The following NRG1 variants were observed in gnomAD, a reference collection of about 807,000 sequenced individuals.
The protein encoded by NRG1 is neuregulin 1.
A neutral mutation model predicts 63.8 loss-of-function variants in NRG1; 18 were observed. The ratio of observed to expected loss-of-function variants is 0.28; its 90% CI spans 0.19 to 0.42. The LOEUF is 0.42. NRG1 is among the 10% of genes least tolerant of loss of function. NRG1 has a pLI of 1.00. For synonymous variants in NRG1, 302 were observed against 301.3 expected, an observed-to-expected ratio of 1.00 and a Z score of -0.02; for missense variants, 762 against 814.7, an observed-to-expected ratio of 0.94 and a Z score of 0.79.
At chr8:31,970,328 C>T (rs1183541189) in intron 1 of NRG1, among the ~76,000 whole-genome samples, 1 of 152,178 alleles carries the variant, frequency 6.6e-6, no homozygotes. Flanking sequence ...TCCAAGTCTT[C>T]ATTTCCTTAA....
intron 1 of NRG1, among the ~76,000 whole-genome samples, chr8:31,757,064 CTTATT>C (rs1162568980): frequency 6.6e-6 from 1 of 152,118 alleles, no homozygotes; most frequent in Admixed American, 6.6e-5. Flanking sequence ...TTTTGCAGCA[CTTATT>C]TTATAAGAAA....
intron 2 of NRG1, 141 bp downstream of exon 2, chr8:32,596,146 A>G (rs1843322440): frequency 1.5e-6 from 1 of 655,444 alleles, no homozygotes; most frequent in Admixed American, 3.4e-5. Flanking sequence ...TATAATGACA[A>G]AAAATCATGT....
chr8:31,672,318 A>T (rs1807239516), intron 1 of NRG1, among the ~76,000 whole-genome samples: 1 of 152,128 alleles, frequency 6.6e-6, no homozygotes, highest in African/African-American at 2.4e-5. Context: ...TATTCCCAGA[A>T]CTAGAGAGTT....
chr8:32,334,088 AC>A (rs1450010956), intron 1 of NRG1, among the ~76,000 whole-genome samples: 3 of 152,232 alleles, frequency 2.0e-5, no homozygotes, highest in African/African-American at 7.2e-5. Flanking sequence ...TGCTGTACTT[AC>A]ATGACAGGTA....
chr8:32,465,099 T>C (rs1361021956), intron 1 of NRG1, among the ~76,000 whole-genome samples: 3 of 152,152 alleles, frequency 2.0e-5, no homozygotes, highest in African/African-American at 7.2e-5. Flanking sequence ...CGCTTGAATC[T>C]GGGAGGCGGA....
At chr8:32,548,100 G>A (rs1009913518), upstream of NRG1, 3 of 581,196 alleles carry the variant, frequency 5.2e-6, no homozygotes, top group South Asian at 1.5e-4. Flanking sequence ...CCCCCCGCCC[G>A]GCCAGCGCGG....
intron 1 of NRG1, among the ~76,000 whole-genome samples, chr8:31,899,629 T>A (rs903502142): frequency 1.3e-5 from 2 of 152,170 alleles, no homozygotes; most frequent in Non-Finnish European, 2.9e-5. Context: ...GCTTCCATTG[T>A]GCAAACCTCA....
rs576052984 is a variant in NRG1, at chr8:32,197,967, C to T, written c.38-397861C>T. Among the ~76,000 whole-genome samples the T allele has an allele frequency of 5.3e-5, 8 of 150,860 alleles. No homozygotes were observed. The East Asian group carries it at 5.8e-4, about 11-fold the overall frequency. On this transcript the variant is annotated intron_variant, in intron 1 of 10. Coordinates refer to the NRG1 transcript ENST00000519301. ...ATCACTAAGCGCATGTGCACACACA[C>T]GCATGCACGCGCACACACACACACA...
intron 1 of NRG1, among the ~76,000 whole-genome samples, chr8:32,040,742 T>C (rs1819851592): frequency 3.7e-5 from 1 of 26,830 alleles, no homozygotes; most frequent in South Asian, 1.6e-3. Flanking sequence ...ATATATGAAA[T>C]TTAGGCGCAT....
At chr8:31,936,812 A>G (rs1276548989) in intron 1 of NRG1, among the ~76,000 whole-genome samples, 4 of 152,174 alleles carry the variant, frequency 2.6e-5, no homozygotes, top group Non-Finnish European at 4.4e-5. Flanking sequence ...TACAACCAAA[A>G]CAAATCATTG....
chr8:32,523,186 C>A (rs1291384246), intron 1 of NRG1, among the ~76,000 whole-genome samples: 1 of 152,118 alleles, frequency 6.6e-6, no homozygotes, highest in Non-Finnish European at 1.5e-5. Flanking sequence ...CTTGAGTCTC[C>A]TTAGGACATC....
intron 1 of NRG1, among the ~76,000 whole-genome samples, chr8:32,205,791 G>A (rs1206906729): frequency 6.6e-6 from 1 of 151,992 alleles, no homozygotes; most frequent in African/African-American, 2.4e-5. Flanking sequence ...CTTTGAGAAA[G>A]AAACAAAAAT....
intron 1 of NRG1, among the ~76,000 whole-genome samples, chr8:32,350,567 T>C (rs539383685): frequency 6.6e-6 from 1 of 152,160 alleles, no homozygotes. Flanking sequence ...CATCTAGCAT[T>C]AGGCCTGGCA....
chr8:31,898,908 G>A (rs1171561301), intron 1 of NRG1, among the ~76,000 whole-genome samples: 2 of 151,834 alleles, frequency 1.3e-5, no homozygotes, highest in Non-Finnish European at 2.9e-5. Flanking sequence ...CAGTATGACA[G>A]TGATTTCTAC....
intron 1 of NRG1, among the ~76,000 whole-genome samples, chr8:31,721,093 G>A (rs1812868281): frequency 6.6e-6 from 1 of 152,180 alleles, no homozygotes; most frequent in African/African-American, 2.4e-5. Flanking sequence ...TCTGGTGCCT[G>A]CTGTGGATGT....
At chr8:31,964,131 C>G (rs963480499) in intron 1 of NRG1, among the ~76,000 whole-genome samples, 7 of 152,110 alleles carry the variant, frequency 4.6e-5, no homozygotes, top group Non-Finnish European at 7.3e-5. Flanking sequence ...GTCTTCCCAG[C>G]CCACATGGCC....
intron 1 of NRG1, among the ~76,000 whole-genome samples, chr8:31,684,241 CA>C (rs1214072142): frequency 3.9e-5 from 6 of 152,124 alleles, no homozygotes; most frequent in African/African-American, 1.2e-4. Context: ...GCTTGATCTC[CA>C]ATGTAACAGT....
At chr8:32,344,384 C>CTTTCTT (rs1554513723) in intron 1 of NRG1, among the ~76,000 whole-genome samples, 31 of 69,450 alleles carry the variant, frequency 4.5e-4, no homozygotes, top group East Asian at 1.5e-3. Flanking sequence ...CTTTCTTTCT[C>CTTTCTT]TTTCTTTCTT....
At chr8:32,241,961 C>G (rs1464225165) in intron 1 of NRG1, among the ~76,000 whole-genome samples, 1 of 152,026 alleles carries the variant, frequency 6.6e-6, no homozygotes, top group Non-Finnish European at 1.5e-5. Context: ...CTATGTTGCC[C>G]AGGCTGATCT....
Sources: gnomAD v4.1 joint callset for allele counts (sites outside exome capture counted in the v4.1 genomes callset) on GRCh38, gnomAD v4.1.1 for gene constraint, MANE v1.5 for transcripts, NCBI Gene and HGNC (gene_info 2026-07-23, HGNC 2026-07-21) for gene names.